IGFBP4: variants seen among roughly 807,000 people sequenced by gnomAD.
IGFBP4 encodes insulin like growth factor binding protein 4, also known as insulin-like growth factor-binding protein 4.
In IGFBP4, 9 loss-of-function variants were observed where a neutral mutation model predicts 25.8. The ratio of observed to expected loss-of-function variants is 0.35; its 90% CI spans 0.21 to 0.61. IGFBP4 has a LOEUF of 0.61. Among genes scored for constraint, IGFBP4 ranks in the 20% least tolerant of loss-of-function variants. The pLI is 0.77. For missense variants in IGFBP4, 315 were observed against 365.3 expected (o/e 0.86, Z 1.12); for synonymous variants, 153 against 153.9 (o/e 0.99, Z 0.05).
chr17:40,456,367 G>A, intron 3 of IGFBP4, 82 bp from the exon 4 acceptor site: 1 of 1,483,568 alleles, frequency 6.7e-7, no homozygotes, highest in Admixed American at 1.8e-5. Flanking sequence ...CTTGGGGGCT[G>A]GGCTGGGCTG....
Sources: gnomAD v4.1 joint callset for allele counts on GRCh38, gnomAD v4.1.1 for gene constraint, MANE v1.5 for transcripts, NCBI Gene and HGNC (gene_info 2026-07-23, HGNC 2026-07-21) for gene names.